ARRB1: variants seen among roughly 807,000 people sequenced by gnomAD.
The protein encoded by ARRB1 is arrestin beta 1, also known as beta-arrestin-1.
Under a neutral mutation model 56.8 loss-of-function variants are expected in ARRB1, and 21 were observed. The ratio of observed to expected loss-of-function variants is 0.37; its 90% CI spans 0.26 to 0.53. The LOEUF (loss-of-function observed/expected upper bound fraction) is 0.53, where lower values mean the gene tolerates loss of function less well. Among genes scored for constraint, ARRB1 ranks in the 20% least tolerant of loss-of-function variants. The probability of loss-of-function intolerance (pLI) is 0.88; values close to 1 mark genes in which losing one functional copy is unlikely to be tolerated. For missense variants in ARRB1, 424 were observed against 553.7 expected (o/e 0.77, Z 2.35); for synonymous variants, 210 against 218.6 (o/e 0.96, Z 0.35).
At position 75,265,881 on chromosome 11, in the gene ARRB1, A is replaced by C. The variant is rs555123260; in HGVS notation, c.*282T>G. Reference sequence around the variant, plus strand: ...TGCTCCCCATCTCAAGTCCAATTCCAAGGCCAGAGCCCTGGCAGCTTTTCT... The same window carrying C: ...TGCTCCCCATCTCAAGTCCAATTCCCAGGCCAGAGCCCTGGCAGCTTTTCT... On this transcript the variant is annotated 3_prime_UTR_variant, in exon 16 of 16. Coordinates refer to ENST00000420843, the MANE Select transcript of ARRB1 (RefSeq NM_004041.5). 5.7e-5 allele frequency: 26 copies of C among 452,286 alleles called. 1 individual carries two copies. In the South Asian group the frequency reaches 6.1e-4, roughly 11 times the overall value. 28.0% of individuals were successfully genotyped at this position (452,286 alleles called of 1,614,324 possible).
At position 75,260,939 on chromosome 11, in the gene ARRB1, A is replaced by G. The variant is rs933553544; in HGVS notation, c.*5224T>C. On this transcript the variant is annotated 3_prime_UTR_variant, in exon 16 of 16. Transcript: ENST00000420843. ...TGAATTTAACCCTAGCCTCTCTCCT[A>G]TCACACTGCTTCTCCTGCTGTGTCC... 2.7e-5 allele frequency: 4 copies of G among 150,886 alleles called. No individual in the cohort carries two copies. Among genetic ancestry groups the G allele is most frequent in the Non-Finnish European group, 5.9e-5 (4 of 68,054 alleles). 9.3% of individuals were successfully genotyped at this position (150,886 alleles called of 1,614,324 possible). A position where few individuals can be genotyped will look rare whatever the true frequency, so the allele number is the denominator to read the frequency against.
At position 75,269,111 on chromosome 11, in the gene ARRB1, C is replaced by T. The variant is rs192120204; in HGVS notation, c.1023-152G>A. On this transcript the variant is annotated intron_variant, in intron 13 of 15. Coordinates refer to ENST00000420843, the MANE Select transcript of ARRB1 (RefSeq NM_004041.5). ...GCCCTCCAGCCCCAGTTCTGCCACT[C>T]GGAGCCTCGGTCTGCCTGGGAGCTG... 312 of 807,108 alleles carry T rather than the reference C, an allele frequency of 3.9e-4. No individual in the cohort carries two copies. In the East Asian group the frequency reaches 6.3e-3, roughly 16 times the overall value. The allele number at this position is 807,108 out of a possible 1,614,324, so 50.0% of individuals were successfully genotyped here. A position where few individuals can be genotyped will look rare whatever the true frequency, so the allele number is the denominator to read the frequency against.
At position 75,267,716 on chromosome 11, in the gene ARRB1, TGGGTGGGCA is replaced by T; in HGVS notation, c.1094-22_1094-14del. On this transcript the variant is annotated splice_polypyrimidine_tract_variant and intron_variant, in intron 14 of 15. Transcript: ENST00000420843. The stretch of plus-strand genomic sequence containing the variant: ...TCGTTCTCTGGAACTAAACACAGGG[TGGGTGGGCA>T]GGGTGTCCAGGGATTAGTGAGTGGA... The T allele has an allele frequency of 1.3e-5, 9 of 686,330 alleles. No homozygotes were observed. The highest frequency in any genetic ancestry group is 2.3e-5 in the Non-Finnish European group (9 of 387,358). The allele number at this position is 686,330 out of a possible 1,614,324, so 42.5% of individuals were successfully genotyped here.
chr11:75,342,935 C>G (rs1253323053), intron 1 of ARRB1, among the ~76,000 whole-genome samples: 1 of 152,190 alleles, frequency 6.6e-6, no homozygotes, highest in Admixed American at 6.5e-5. Flanking sequence ...AAAGAATAAT[C>G]TAATTCCTAT....
chr11:75,326,602 C>A (rs374507318), intron 1 of ARRB1, among the ~76,000 whole-genome samples: 2 of 152,078 alleles, frequency 1.3e-5, no homozygotes, highest in East Asian at 3.9e-4. Flanking sequence ...GCCTCCCACT[C>A]AGCACCCTTA....
chr11:75,284,212 T>G, intron 4 of ARRB1, 23 bp downstream of exon 4: 1 of 1,598,220 alleles, frequency 6.3e-7, no homozygotes. Context: ...CTTGACAGGC[T>G]GGGGATGGGG....
chr11:75,281,655 C>T (rs927829142), intron 6 of ARRB1: 3 of 396,584 alleles, frequency 7.6e-6, no homozygotes, highest in East Asian at 4.5e-5. Context: ...CACTTTGATT[C>T]CAGGTTGCCA....
At chr11:75,348,262 A>G (rs1031419788) in intron 1 of ARRB1, among the ~76,000 whole-genome samples, 1 of 152,038 alleles carries the variant, frequency 6.6e-6, no homozygotes, top group Non-Finnish European at 1.5e-5. Context: ...ATCATTCCCA[A>G]TCCCGCCCCC....
intron 2 of ARRB1, among the ~76,000 whole-genome samples, chr11:75,287,824 G>A (rs932274643): frequency 6.6e-6 from 1 of 152,212 alleles, no homozygotes; most frequent in African/African-American, 2.4e-5. Flanking sequence ...ATGCAGCCAG[G>A]CGGGGATCCA....
intron 1 of ARRB1, among the ~76,000 whole-genome samples, chr11:75,327,301 CAAAAAAA>C (rs777940901): frequency 1.7e-5 from 1 of 60,268 alleles, no homozygotes; most frequent in Non-Finnish European, 3.0e-5. Flanking sequence ...AACTCCATCT[CAAAAAAA>C]AAAAAAAAAA....
chr11:75,268,938 G>A lies in ARRB1; in HGVS notation c.1044C>T (p.Pro348=), dbSNP rs1565102834. Residue 348 remains proline, a synonymous_variant, in exon 14 of 16, where the codon CCC becomes CCT. Transcript: ENST00000420843. ...LASSDVAVEL[P]FTLMHPKPKE... ...TGGGCTTGGGGTGCATTAGGGTGAA[G>A]GGCAGTTCCACGGCCACGTCGCTGA... The A allele has an allele frequency of 6.2e-7, 1 of 1,610,866 alleles. No homozygotes were observed.
chr11:75,337,047 G>A (rs1947616227), intron 1 of ARRB1, among the ~76,000 whole-genome samples: 1 of 152,206 alleles, frequency 6.6e-6, no homozygotes, highest in Non-Finnish European at 1.5e-5. Flanking sequence ...GCATGTTCTA[G>A]GTATTCAGGA....
chr11:75,345,977 C>A (rs1234865710), intron 1 of ARRB1, among the ~76,000 whole-genome samples: 1 of 152,134 alleles, frequency 6.6e-6, no homozygotes, highest in South Asian at 2.1e-4. Flanking sequence ...GAACCACAAG[C>A]TGCTTACCAA....
intron 1 of ARRB1, among the ~76,000 whole-genome samples, chr11:75,314,084 C>T (rs367547272): frequency 1.1e-3 from 169 of 152,354 alleles, no homozygotes; most frequent in African/African-American, 4.0e-3. Context: ...GCCACACTGA[C>T]CTTGGTCAGT....
At chr11:75,270,527 C>T (rs1316650306) in intron 13 of ARRB1, among the ~76,000 whole-genome samples, 1 of 151,848 alleles carries the variant, frequency 6.6e-6, no homozygotes, top group Non-Finnish European at 1.5e-5. Context: ...ACTTGGGAGG[C>T]TGAGGCAGAG....
intron 9 of ARRB1, 73 bp from the exon 10 acceptor site, chr11:75,276,984 G>A: frequency 4.7e-6 from 5 of 1,066,810 alleles, no homozygotes; most frequent in South Asian, 2.9e-5. Context: ...GGCGTCCCCG[G>A]GTTGGGGATA....
chr11:75,346,730 C>A (rs967375317), intron 1 of ARRB1, among the ~76,000 whole-genome samples: 1 of 152,186 alleles, frequency 6.6e-6, no homozygotes, highest in Non-Finnish European at 1.5e-5. Flanking sequence ...TCTCTCCATA[C>A]CCAGGCACTG....
intron 1 of ARRB1, among the ~76,000 whole-genome samples, chr11:75,326,051 G>A (rs1436828359): frequency 6.6e-6 from 1 of 152,178 alleles, no homozygotes. Flanking sequence ...TCAAACCTAG[G>A]GCACCAGCTC....
At chr11:75,320,334 G>T (rs1947326445) in intron 1 of ARRB1, among the ~76,000 whole-genome samples, 1 of 152,180 alleles carries the variant, frequency 6.6e-6, no homozygotes, top group African/African-American at 2.4e-5. Flanking sequence ...GAGGAAAGGA[G>T]GAGGAATGAG....
Sources: gnomAD v4.1 joint callset for allele counts (sites outside exome capture counted in the v4.1 genomes callset) on GRCh38, gnomAD v4.1.1 for gene constraint, MANE v1.5 for transcripts, NCBI Gene and HGNC (gene_info 2026-07-23, HGNC 2026-07-21) for gene names.